GNAQ: variants seen among roughly 807,000 people sequenced by gnomAD.
The protein encoded by GNAQ is G protein subunit alpha q, also known as guanine nucleotide-binding protein G(q) subunit alpha.
Under a neutral mutation model 43.9 loss-of-function variants are expected in GNAQ, and 8 were observed. The observed-to-expected ratio is 0.18, with a 90% CI of 0.11 to 0.33. The LOEUF is 0.33. Among genes scored for constraint, GNAQ ranks in the 10% least tolerant of loss-of-function variants. The pLI is 1.00. For synonymous variants in GNAQ, 155 were observed against 170.7 expected, an observed-to-expected ratio of 0.91 and a Z score of 0.71; for missense variants, 158 against 450.8, an observed-to-expected ratio of 0.35 and a Z score of 5.88.
chr9:77,856,566 G>A (rs901506413), intron 2 of GNAQ, among the ~76,000 whole-genome samples: 2 of 152,090 alleles, frequency 1.3e-5, no homozygotes, highest in Non-Finnish European at 2.9e-5. Context: ...ATTCTTTTCT[G>A]ATGGAGATCC....
intron 1 of GNAQ, among the ~76,000 whole-genome samples, chr9:78,019,651 G>A (rs185063113): frequency 2.0e-5 from 3 of 152,178 alleles, no homozygotes; most frequent in Admixed American, 6.5e-5. Flanking sequence ...GGCCAGGTGC[G>A]GTGGCTCAAG....
chr9:77,925,981 T>C (rs950727375), intron 1 of GNAQ, among the ~76,000 whole-genome samples: 1 of 152,238 alleles, frequency 6.6e-6, no homozygotes, highest in African/African-American at 2.4e-5. Context: ...TGTCATACTG[T>C]ATTGTCATTT....
intron 2 of GNAQ, among the ~76,000 whole-genome samples, chr9:77,890,035 A>G (rs1294120407): frequency 6.6e-6 from 1 of 152,254 alleles, no homozygotes; most frequent in Non-Finnish European, 1.5e-5. Context: ...TACAAAACAC[A>G]TAATAGCTAA....
chr9:77,796,053 A>G (rs1203807886), intron 4 of GNAQ, among the ~76,000 whole-genome samples: 1 of 152,252 alleles, frequency 6.6e-6, no homozygotes, highest in East Asian at 1.9e-4. Context: ...CAAATTAAAG[A>G]TTTCTAAATA....
rs182181555 is a variant in GNAQ, at chr9:77,835,775, C to T, written c.322-20005G>A. Among the ~76,000 whole-genome samples the T allele has an allele frequency of 1.1e-4, 17 of 152,276 alleles. No homozygotes were observed. The East Asian group carries it at 2.5e-3, about 22-fold the overall frequency. ...CGAATTGCAGAGCCAAGATTTAACC[C>T]AGTAAGGCTGGTCCACAGTGCCTAT... On this transcript the variant is annotated intron_variant, in intron 2 of 6. Transcript: ENST00000286548.
intron 2 of GNAQ, among the ~76,000 whole-genome samples, chr9:77,875,544 C>T (rs1828112677): frequency 6.6e-6 from 1 of 152,096 alleles, no homozygotes; most frequent in Admixed American, 6.6e-5. Context: ...GCAGAGCTCT[C>T]AGGAATGGGA....
At chr9:77,974,690 C>CCT (rs751241192) in intron 1 of GNAQ, among the ~76,000 whole-genome samples, 7 of 152,186 alleles carry the variant, frequency 4.6e-5, no homozygotes, top group Non-Finnish European at 1.0e-4. Flanking sequence ...CAGATCTCCA[C>CCT]CTCTCTGCAT....
At chr9:77,729,301 GAC>G (rs1825448611) in intron 5 of GNAQ, among the ~76,000 whole-genome samples, 1 of 152,090 alleles carries the variant, frequency 6.6e-6, no homozygotes, top group African/African-American at 2.4e-5. Flanking sequence ...GAATTGTGAA[GAC>G]ACACATAGTA....
At chr9:77,946,399 G>A (rs560023106) in intron 1 of GNAQ, among the ~76,000 whole-genome samples, 3 of 152,246 alleles carry the variant, frequency 2.0e-5, no homozygotes, top group African/African-American at 4.8e-5. Flanking sequence ...ACATTTTCCA[G>A]CTCTATAAAT....
chr9:77,865,525 G>A (rs1307816263), intron 2 of GNAQ, among the ~76,000 whole-genome samples: 2 of 152,220 alleles, frequency 1.3e-5, no homozygotes, highest in East Asian at 1.9e-4. Context: ...CCATGGAGCT[G>A]TTATATGTAA....
At chr9:77,907,107 T>C (rs1828722101) in intron 2 of GNAQ, among the ~76,000 whole-genome samples, 1 of 152,240 alleles carries the variant, frequency 6.6e-6, no homozygotes, top group African/African-American at 2.4e-5. Flanking sequence ...ATTTCAAGTG[T>C]ACAGCTATGT....
intron 2 of GNAQ, among the ~76,000 whole-genome samples, chr9:77,845,282 G>A (rs183014203): frequency 2.0e-4 from 30 of 152,190 alleles, no homozygotes; most frequent in South Asian, 4.2e-4. Flanking sequence ...GCAAGTGTCA[G>A]AAGCAATTGT....
At chr9:77,841,695 T>A (rs1564127447) in intron 2 of GNAQ, among the ~76,000 whole-genome samples, 1 of 152,198 alleles carries the variant, frequency 6.6e-6, no homozygotes, top group East Asian at 1.9e-4. Flanking sequence ...ACAAATAATA[T>A]GTAAACTATG....
intron 1 of GNAQ, among the ~76,000 whole-genome samples, chr9:77,958,483 A>G (rs1823069480): frequency 6.6e-6 from 1 of 152,262 alleles, no homozygotes; most frequent in Non-Finnish European, 1.5e-5. Flanking sequence ...ACTCTGTCCT[A>G]TTCACTAATG....
chr9:77,802,343 A>G (rs545620641), intron 3 of GNAQ, among the ~76,000 whole-genome samples: 1 of 152,288 alleles, frequency 6.6e-6, no homozygotes, highest in Non-Finnish European at 1.5e-5. Context: ...CCAGGGAAAA[A>G]GGGAACTTTG....
intron 1 of GNAQ, among the ~76,000 whole-genome samples, chr9:77,967,722 G>A (rs1823185740): frequency 6.6e-6 from 1 of 152,176 alleles, no homozygotes; most frequent in Non-Finnish European, 1.5e-5. Context: ...GCTCTCTCCT[G>A]TAATCCCAGC....
At chr9:77,911,468 A>G (rs1319976076) in intron 2 of GNAQ, among the ~76,000 whole-genome samples, 1 of 152,206 alleles carries the variant, frequency 6.6e-6, no homozygotes, top group African/African-American at 2.4e-5. Context: ...AATGAGTAAT[A>G]ATTTTACATA....
chr9:77,769,515 C>G (rs1826186987), intron 5 of GNAQ, among the ~76,000 whole-genome samples: 1 of 152,022 alleles, frequency 6.6e-6, no homozygotes, highest in Non-Finnish European at 1.5e-5. Context: ...TCACATAATT[C>G]TGTAACACAG....
At chr9:77,906,211 T>TA (rs1223388066) in intron 2 of GNAQ, among the ~76,000 whole-genome samples, 14 of 152,342 alleles carry the variant, frequency 9.2e-5, no homozygotes, top group African/African-American at 3.4e-4. Flanking sequence ...GAAAATATCT[T>TA]AATCTCTGGA....
Sources: allele counts gnomAD v4.1 joint callset (sites outside exome capture counted in the v4.1 genomes callset), GRCh38; gene constraint gnomAD v4.1.1; transcripts MANE v1.5; gene names NCBI Gene and HGNC (gene_info 2026-07-23, HGNC 2026-07-21).